The following SFRP4 variants were observed in gnomAD, a reference collection of about 807,000 sequenced individuals.
SFRP4 encodes the protein secreted frizzled-related protein 4.
In SFRP4, 25 loss-of-function variants were observed where a neutral mutation model predicts 36.3. That is an observed-to-expected ratio of 0.69 (90% confidence interval 0.50 to 0.96). SFRP4 has a LOEUF of 0.96. SFRP4 is among the 40% of genes least tolerant of loss of function. SFRP4 has a pLI of 0.00. For synonymous variants in SFRP4, 182 were observed against 168.8 expected, an observed-to-expected ratio of 1.08 and a Z score of -0.60; for missense variants, 487 against 459.6, an observed-to-expected ratio of 1.06 and a Z score of -0.54.
Position 37,916,477 on chromosome 7 carries a change from C to T in SFRP4, c.61G>A (p.Gly21Ser). ...LWLHLALGVR[G>S]APCEAVRIPM... Reference sequence around the variant, plus strand: ...ATGCGCACCGCCTCGCAGGGCGCGCCGCGCACGCCCAGCGCCAGGTGCAGC... The same window carrying T: ...ATGCGCACCGCCTCGCAGGGCGCGCTGCGCACGCCCAGCGCCAGGTGCAGC... The change falls in exon 1 of 6, where the codon GGC becomes AGC. Residue 21 changes from glycine to serine, a missense_variant. Transcript: ENST00000436072. This position sits in a 1 kb window ranked among gnomAD's most constrained non-coding sequence, Gnocchi z 4.1. 3.7e-6 allele frequency: 6 copies of T among 1,612,674 alleles called. No homozygotes were observed. The highest frequency in any genetic ancestry group is 5.1e-6 in the Non-Finnish European group (6 of 1,179,270).
intron 1 of SFRP4, among the ~76,000 whole-genome samples, chr7:37,915,648 G>A (rs1785561453): frequency 7.3e-6 from 1 of 136,612 alleles, no homozygotes; most frequent in Non-Finnish European, 1.5e-5. Flanking sequence ...AGCAATGACC[G>A]TTACTGCTTT....
At chr7:37,910,621 CT>C (rs1219269040) in intron 4 of SFRP4, among the ~76,000 whole-genome samples, 1 of 151,666 alleles carries the variant, frequency 6.6e-6, no homozygotes, top group Non-Finnish European at 1.5e-5. Context: ...TAATTTTGTC[CT>C]TTTTTTAAAG....
At chr7:37,908,082 CTCT>C (rs893634012) in intron 5 of SFRP4, among the ~76,000 whole-genome samples, 10 of 152,166 alleles carry the variant, frequency 6.6e-5, no homozygotes, top group African/African-American at 2.2e-4. Context: ...TCTAAAAAGG[CTCT>C]TATTTCATGG....
At chr7:37,915,999 C>A in intron 1 of SFRP4, 94 bp downstream of exon 1, 1 of 1,507,450 alleles carries the variant, frequency 6.6e-7, no homozygotes. Context: ...CCTCAGACGC[C>A]CCTGGCAGCC....
chr7:37,908,685 C>T (rs1252522540), intron 5 of SFRP4, among the ~76,000 whole-genome samples: 2 of 150,720 alleles, frequency 1.3e-5, no homozygotes, highest in East Asian at 3.9e-4. Flanking sequence ...TTCTAATCTA[C>T]TGTAGTCCTG....
rs770720935 is a variant in SFRP4, at chr7:37,912,071, G to A, written c.791+48C>T. On this transcript the variant is annotated intron_variant, in intron 4 of 5. Coordinates refer to ENST00000436072, the MANE Select transcript of SFRP4 (RefSeq NM_003014.4). ...ACCATGACTGCTAACTGAGATTGAG[G>A]TCTTCCTAACAGTGTGCATACAGTT... The A allele has an allele frequency of 9.4e-6, 13 of 1,378,684 alleles. No individual in the cohort carries two copies. In the East Asian group the frequency reaches 3.0e-4, roughly 32 times the overall value. The allele number at this position is 1,378,684 out of a possible 1,614,324, so 85.4% of individuals were successfully genotyped here.
Position 37,916,663 on chromosome 7 carries a change from C to T in SFRP4, c.-126G>A. ...TGGGGCGCAGGAGAGTTTCTTCCCC[C>T]AAACTCCAGTCGGCAGCAAAGCGGG... On this transcript the variant is annotated 5_prime_UTR_variant, in exon 1 of 6. Coordinates refer to ENST00000436072, the MANE Select transcript of SFRP4 (RefSeq NM_003014.4). This position sits in a 1 kb window ranked among gnomAD's most constrained non-coding sequence, Gnocchi z 4.1. 9 of 1,383,166 alleles carry T rather than the reference C, an allele frequency of 6.5e-6. No homozygotes were observed. Among genetic ancestry groups the T allele is most frequent in the Non-Finnish European group, 8.6e-6 (9 of 1,041,828 alleles). 85.7% of individuals were successfully genotyped at this position (1,383,166 alleles called of 1,614,324 possible). A position where few individuals can be genotyped will look rare whatever the true frequency, so the allele number is the denominator to read the frequency against.
Position 37,914,440 on chromosome 7 carries a change from T to C in SFRP4, c.459A>G (p.Ile153Met), listed in dbSNP as rs1210332253. Reference sequence around the variant, plus strand: ...GTACCATCATGTCTGGTGTGATGTCTATCCACTTAACATCTGAAACACAAA... The same window carrying C: ...GTACCATCATGTCTGGTGTGATGTCCATCCACTTAACATCTGAAACACAAA... The part of the protein sequence containing the change: ...VTDLPEDVKW[I>M]DITPDMMVQE... The change falls in exon 2 of 6, where the codon ATA (isoleucine) becomes ATG (methionine). Residue 153 changes from isoleucine to methionine, a missense_variant. Ile to Met is a conservative substitution (Grantham distance 10). Coordinates refer to ENST00000436072, the MANE Select transcript of SFRP4 (RefSeq NM_003014.4). The C allele has an allele frequency of 8.1e-6, 13 of 1,613,664 alleles. No individual in the cohort carries two copies. The East Asian group carries it at 2.9e-4, about 36-fold the overall frequency.
rs1386764700 is a variant in SFRP4, at chr7:37,909,632, A to G, written c.840T>C (p.Leu280=). 1 of 1,578,068 alleles carries G rather than the reference A, an allele frequency of 6.3e-7. No homozygotes were observed. Among genetic ancestry groups the G allele is most frequent in the South Asian group, 1.2e-5 (1 of 84,634 alleles). The part of the protein sequence containing the change: ...NCLVEKWRDQ[L]SKRSIQWEER... ...TGATACTTACTATGGATCTTTTACT[A>G]AGCTGATCTCTCCATTTTTCAACTA... is the stretch of plus-strand genomic sequence containing the variant. Residue 280 remains leucine (L), a synonymous_variant, in exon 5 of 6, where the codon CTT becomes CTC. Transcript: ENST00000436072.
chr7:37,915,008 A>G (rs1197360035), intron 1 of SFRP4, among the ~76,000 whole-genome samples: 1 of 152,240 alleles, frequency 6.6e-6, no homozygotes, highest in Non-Finnish European at 1.5e-5. Context: ...ATCGATGTGA[A>G]TGTATATCCA....
intron 3 of SFRP4, 141 bp downstream of exon 3, chr7:37,914,072 A>T (rs1785536113): frequency 1.5e-6 from 1 of 661,932 alleles, no homozygotes; most frequent in East Asian, 2.7e-5. Context: ...TATTAATAGA[A>T]TTCACATGAT....
chr7:37,912,779 C>G (rs1265468625), intron 3 of SFRP4, among the ~76,000 whole-genome samples: 1 of 152,206 alleles, frequency 6.6e-6, no homozygotes, highest in African/African-American at 2.4e-5. Flanking sequence ...GAGGGAGTCT[C>G]TGAGGACTAC....
In SFRP4 at chr7:37,916,363, C is replaced by G; in HGVS notation, c.175G>C (p.Glu59Gln). 5.6e-6 allele frequency: 9 copies of G among 1,614,214 alleles called. No individual in the cohort carries two copies. Among genetic ancestry groups the G allele is most frequent in the Non-Finnish European group, 6.8e-6 (8 of 1,180,034 alleles). ...ACGTCCACCAGCTCCTCGTACTGCT[C>G]GATGGCCAGGATGGCGTTCTCCTGC... ...STQENAILAI[E>Q]QYEELVDVNC... Residue 59 changes from glutamate to glutamine, a missense_variant, in exon 1 of 6, where the codon GAG becomes CAG. Transcript: ENST00000436072. This position sits in a 1 kb window ranked among gnomAD's most constrained non-coding sequence, Gnocchi z 4.1.
chr7:37,909,588 A>G (rs752782152), intron 5 of SFRP4, 29 bp downstream of exon 5: 44 of 1,351,958 alleles, frequency 3.3e-5, no homozygotes, highest in South Asian at 7.3e-5. Context: ...ACTTACATCC[A>G]TCTTCACAGC....
rs1334387832 is a variant in SFRP4 at position 37,914,273 on chromosome 7, A to G, written c.532T>C (p.Cys178Arg). The G allele has an allele frequency of 6.2e-7, 1 of 1,614,146 alleles. No homozygotes were observed. The change falls in exon 3 of 6, where the codon TGC becomes CGC. Residue 178 changes from cysteine (C) to arginine (R), a missense_variant. Coordinates refer to ENST00000436072, the MANE Select transcript of SFRP4 (RefSeq NM_003014.4). ...GTTGGCTTCACCTTTTTACACTTGC[A>G]CCGATCTAAAAAAGGCAGAAGAGGC... is the stretch of plus-strand genomic sequence containing the variant. ...VDCKRLSPDR[C>R]KCKKVKPTLA...
Position 37,916,184 on chromosome 7 carries a change from G to T in SFRP4, c.354C>A (p.Ser118Arg), listed in dbSNP as rs1392694048. 6.2e-7 allele frequency: 1 copy of T among 1,614,058 alleles called. No individual in the cohort carries two copies. Among genetic ancestry groups the T allele is most frequent in the African/African-American group, 1.3e-5 (1 of 74,944 alleles). The change falls in exon 1 of 6, where the codon AGC becomes AGA. Residue 118 changes from serine (S) to arginine (R), a missense_variant. Ser to Arg is a moderately radical substitution (Grantham distance 110). Coordinates refer to ENST00000436072, the MANE Select transcript of SFRP4 (RefSeq NM_003014.4). This position sits in a 1 kb window ranked among gnomAD's most constrained non-coding sequence, Gnocchi z 4.1. ...CGTCGCAGGCCAGGCTTTCGGGCCAGCTGTGGTTGTACATCTTCATGAGGG... is the reference window on the plus strand; with the variant it reads ...CGTCGCAGGCCAGGCTTTCGGGCCATCTGTGGTTGTACATCTTCATGAGGG... ...CEPLMKMYNH[S>R]WPESLACDEL...
Position 37,906,971 on chromosome 7 carries a change from A to G in SFRP4, c.*508T>C, listed in dbSNP as rs1239906339. ...TCACAAAAATCCTTCTGCAGACCATAAACACATAAAGATCTTTTAGACATT... is the reference window on the plus strand; with the variant it reads ...TCACAAAAATCCTTCTGCAGACCATGAACACATAAAGATCTTTTAGACATT... On this transcript the variant is annotated 3_prime_UTR_variant, in exon 6 of 6. Transcript: ENST00000436072. 2 of 152,232 alleles carry G rather than the reference A, an allele frequency of 1.3e-5. No individual in the cohort carries two copies. The highest frequency in any genetic ancestry group is 4.8e-5 in the African/African-American group (2 of 41,444). The allele number at this position is 152,232 out of a possible 1,614,324, so 9.4% of individuals were successfully genotyped here. A position where few individuals can be genotyped will look rare whatever the true frequency, so the allele number is the denominator to read the frequency against.
chr7:37,914,584 G>C lies in SFRP4; in HGVS notation c.446-131C>G, dbSNP rs1425441918. ...TAATAGTATTTAATGGTAAAAATGGGCCAGGCGAAGTGGCTCACACCTGTA... is the reference window on the plus strand; with the variant it reads ...TAATAGTATTTAATGGTAAAAATGGCCCAGGCGAAGTGGCTCACACCTGTA... On this transcript the variant is annotated intron_variant, in intron 1 of 5. Transcript: ENST00000436072. The C allele has an allele frequency of 2.0e-5, 15 of 738,068 alleles. No homozygotes were observed. The South Asian group carries it at 2.4e-4, about 12-fold the overall frequency. The allele number at this position is 738,068 out of a possible 1,614,324, so 45.7% of individuals were successfully genotyped here.
At chr7:37,914,547 A>G (rs953058589) in intron 1 of SFRP4, 94 bp from the exon 2 acceptor site, 6 of 891,016 alleles carry the variant, frequency 6.7e-6, no homozygotes, top group African/African-American at 4.9e-5. Context: ...AAACTAAAAC[A>G]GTATCTCAAA....
Sources: gnomAD v4.1 joint callset for allele counts (sites outside exome capture counted in the v4.1 genomes callset) on GRCh38, gnomAD v4.1.1 for gene constraint, Gnocchi (gnomAD v3.1) non-coding constraint, MANE v1.5 for transcripts, NCBI Gene and HGNC (gene_info 2026-07-23, HGNC 2026-07-21) for gene names.